Variants in STAG1 observed in about 807,000 individuals in gnomAD.
The protein encoded by STAG1 is cohesin subunit SA-1.
In STAG1, 26 loss-of-function variants were observed where a neutral mutation model predicts 170.9. The ratio of observed to expected loss-of-function variants is 0.15; its 90% CI spans 0.11 to 0.21. The LOEUF is 0.21. STAG1 is among the 10% of genes least tolerant of loss of function. The probability of loss-of-function intolerance (pLI) is 1.00; values close to 1 mark genes in which losing one functional copy is unlikely to be tolerated. For missense variants in STAG1, 964 were observed against 1,509.5 expected (o/e 0.64, Z 5.99); for synonymous variants, 514 against 497.7 (o/e 1.03, Z -0.44).
intron 15 of STAG1, among the ~76,000 whole-genome samples, chr3:136,436,428 T>C (rs896877161): frequency 2.0e-4 from 30 of 152,026 alleles, no homozygotes; most frequent in African/African-American, 7.0e-4. Flanking sequence ...ATTACAGGCA[T>C]GTACCACCAC....
At chr3:136,666,991 A>C (rs1052478762) in intron 1 of STAG1, among the ~76,000 whole-genome samples, 6 of 152,182 alleles carry the variant, frequency 3.9e-5, no homozygotes, top group Non-Finnish European at 5.9e-5. Flanking sequence ...TTCCACCTAT[A>C]TAGTTTCAAC....
intron 7 of STAG1, chr3:136,518,116 G>A: frequency 2.8e-6 from 1 of 358,030 alleles, no homozygotes; most frequent in Non-Finnish European, 5.0e-6. Flanking sequence ...CTGACAACAG[G>A]GACACATATT....
intron 5 of STAG1, among the ~76,000 whole-genome samples, chr3:136,566,238 A>G (rs7611171): frequency 6.6e-6 from 1 of 152,150 alleles, no homozygotes; most frequent in Non-Finnish European, 1.5e-5. Context: ...ACCCTCATGA[A>G]TGAGATTAGT....
chr3:136,370,473 T>C (rs1937270868), intron 23 of STAG1, among the ~76,000 whole-genome samples: 2 of 152,232 alleles, frequency 1.3e-5, no homozygotes, highest in African/African-American at 4.8e-5. Flanking sequence ...ACTCATCATT[T>C]AGCATTAGGT....
chr3:136,453,167 A>C (rs1157760302), intron 13 of STAG1, among the ~76,000 whole-genome samples: 1 of 152,228 alleles, frequency 6.6e-6, no homozygotes, highest in Non-Finnish European at 1.5e-5. Context: ...CTATGAACCC[A>C]ATAGTTTTTA....
intron 4 of STAG1, among the ~76,000 whole-genome samples, chr3:136,592,200 T>C (rs1214545718): frequency 6.6e-6 from 1 of 152,168 alleles, no homozygotes; most frequent in Admixed American, 6.5e-5. Context: ...TTTGGCTATG[T>C]CTCTACCCAA....
intron 25 of STAG1, among the ~76,000 whole-genome samples, chr3:136,366,741 T>C (rs532719861): frequency 3.3e-5 from 5 of 152,244 alleles, no homozygotes; most frequent in African/African-American, 7.2e-5. Flanking sequence ...TGTTCTTTCA[T>C]ATAAATGCTG....
rs780223209 is a variant in STAG1 at position 136,363,369 on chromosome 3, TTGCA to T, written c.2780_2783del (p.Leu927TyrfsTer15). 1 of 1,574,430 alleles carries T rather than the reference TTGCA, an allele frequency of 6.4e-7. No individual in the cohort carries two copies. The highest frequency in any genetic ancestry group is 8.7e-7 in the Non-Finnish European group (1 of 1,147,558). On this transcript the variant is annotated frameshift_variant, in exon 26 of 34. Coordinates refer to ENST00000383202, the MANE Select transcript of STAG1 (RefSeq NM_005862.3). LOFTEE classifies it high-confidence loss of function. ...TCCCTCTCTCCAAATTTCTTACCTG[TTGCA>T]AACTGAGAATGAGAGTCTTGGCACA...
chr3:136,649,503 C>CAAAAAAAAAAAAAAAAAAAAGAAAA (rs761067087), intron 1 of STAG1, among the ~76,000 whole-genome samples: 4 of 70,874 alleles, frequency 5.6e-5, no homozygotes, highest in African/African-American at 9.0e-5. Flanking sequence ...AAAACAGAAA[C>CAAAAAAAAAAAAAAAAAAAAGAAAA]AAAAAAAAAA....
Position 136,546,617 on chromosome 3 carries a change from C to A in STAG1, c.395-4422G>T, listed in dbSNP as rs540676787. On this transcript the variant is annotated intron_variant, in intron 5 of 33. Transcript: ENST00000383202. Reference sequence around the variant, plus strand: ...AAAACAGAGAGTAGAAAAGGCTGAACTCTTCTCCTTTCTAATTAATGAGGC... The same window carrying A: ...AAAACAGAGAGTAGAAAAGGCTGAAATCTTCTCCTTTCTAATTAATGAGGC... 3.3e-4 allele frequency among the ~76,000 whole-genome samples: 50 copies of A among 152,218 alleles called. 1 individual carries two copies. The highest frequency in any genetic ancestry group is 1.2e-3 in the African/African-American group (50 of 41,544).
intron 7 of STAG1, among the ~76,000 whole-genome samples, chr3:136,514,623 T>C (rs1240876937): frequency 1.3e-5 from 2 of 152,210 alleles, no homozygotes; most frequent in East Asian, 3.8e-4. Context: ...GTATATTTAC[T>C]GCGACAATAT....
At chr3:136,626,062 C>G (rs1940077343) in intron 2 of STAG1, among the ~76,000 whole-genome samples, 1 of 150,550 alleles carries the variant, frequency 6.6e-6, no homozygotes, top group African/African-American at 2.4e-5. Flanking sequence ...CAAAAACAAA[C>G]AAAACAAAAC....
intron 12 of STAG1, among the ~76,000 whole-genome samples, chr3:136,469,511 C>A (rs1217701165): frequency 2.0e-5 from 3 of 152,240 alleles, no homozygotes; most frequent in Non-Finnish European, 4.4e-5. Flanking sequence ...AAGAACATTC[C>A]ATGCTCATGG....
At chr3:136,604,578 T>A in intron 3 of STAG1, 105 bp from the exon 4 acceptor site, 1 of 1,036,310 alleles carries the variant, frequency 9.6e-7, no homozygotes, top group Non-Finnish European at 1.3e-6. Context: ...AAAGAAACTT[T>A]AAAATTTCTT....
chr3:136,543,719 G>C (rs1936016555), intron 5 of STAG1, among the ~76,000 whole-genome samples: 1 of 152,168 alleles, frequency 6.6e-6, no homozygotes, highest in Non-Finnish European at 1.5e-5. Context: ...GCAGAGCAGA[G>C]AGCCTTTCTT....
rs368385594 is a variant in STAG1 at position 136,521,194 on chromosome 3, T to C, written c.676+19A>G. 2.5e-5 allele frequency: 40 copies of C among 1,596,886 alleles called. No homozygotes were observed. The highest frequency in any genetic ancestry group is 3.4e-5 in the Non-Finnish European group (40 of 1,165,756). On this transcript the variant is annotated intron_variant, in intron 7 of 33. Coordinates refer to ENST00000383202, the MANE Select transcript of STAG1 (RefSeq NM_005862.3). ...TCAACAAAACTAAATGAAAAGGAAA[T>C]AAAATGTTAATTACTTACCAGCCAG...
chr3:136,365,175 G>A (rs1295109874), intron 25 of STAG1, among the ~76,000 whole-genome samples: 1 of 152,116 alleles, frequency 6.6e-6, no homozygotes, highest in Non-Finnish European at 1.5e-5. Context: ...ATGAAGTATT[G>A]TTAAAGGATT....
At chr3:136,597,927 C>T (rs1401656984) in intron 4 of STAG1, among the ~76,000 whole-genome samples, 1 of 151,996 alleles carries the variant, frequency 6.6e-6, no homozygotes, top group Non-Finnish European at 1.5e-5. Context: ...GGGGAGATAA[C>T]CTTTACAAGC....
intron 21 of STAG1, among the ~76,000 whole-genome samples, chr3:136,408,941 A>T (rs534861842): frequency 6.6e-6 from 1 of 152,296 alleles, no homozygotes; most frequent in East Asian, 1.9e-4. Context: ...TTCTAAGAAT[A>T]GCATGACTCT....
Sources: gnomAD v4.1 joint callset for allele counts (sites outside exome capture counted in the v4.1 genomes callset) on GRCh38, gnomAD v4.1.1 for gene constraint, MANE v1.5 for transcripts, NCBI Gene and HGNC (gene_info 2026-07-23, HGNC 2026-07-21) for gene names.